The following CCDC125 variants were observed in gnomAD, a reference collection of about 807,000 sequenced individuals.
The protein encoded by CCDC125 is coiled-coil domain containing 125, also known as coiled-coil domain-containing protein 125.
In CCDC125, 43 loss-of-function variants were observed where a neutral mutation model predicts 57.4. The ratio of observed to expected loss-of-function variants is 0.75; its 90% CI spans 0.59 to 0.97. The LOEUF (loss-of-function observed/expected upper bound fraction) is 0.97. CCDC125 is among the 50% of genes least tolerant of loss of function. The pLI is 0.00. For missense variants in CCDC125, 563 were observed against 595.7 expected (o/e 0.95, Z 0.57); for synonymous variants, 187 against 195.2 (o/e 0.96, Z 0.35).
intron 4 of CCDC125, chr5:69,309,296 G>A (rs1038653357): frequency 6.6e-6 from 1 of 152,262 alleles, no homozygotes; most frequent in African/African-American, 2.4e-5. Flanking sequence ...CACAGAGCCA[G>A]AAGTCTCGGA....
intron 1 of CCDC125, chr5:69,323,995 T>C (rs1461332942): frequency 6.6e-6 from 1 of 152,094 alleles, no homozygotes; most frequent in Admixed American, 6.6e-5. Flanking sequence ...TAAACATGTC[T>C]AACATTTTTC....
chr5:69,297,202 A>G (rs1464234930), intron 8 of CCDC125, among the ~76,000 whole-genome samples: 1 of 151,854 alleles, frequency 6.6e-6, no homozygotes, highest in African/African-American at 2.4e-5. Context: ...ACACCCAGCT[A>G]ATTTTTTTTT....
intron 11 of CCDC125, 121 bp downstream of exon 11, chr5:69,285,216 A>G: frequency 1.2e-6 from 1 of 823,620 alleles, no homozygotes; most frequent in African/African-American, 1.8e-5. Flanking sequence ...TGTTTTAAGA[A>G]AGTTTACGAA....
Position 69,292,210 on chromosome 5 carries a change from A to T in CCDC125, c.1077T>A (p.Asn359Lys), listed in dbSNP as rs749207830. The change falls in exon 10 of 12, where the codon AAT (asparagine) becomes AAA (lysine). Residue 359 changes from asparagine (N) to lysine (K), a missense_variant. Coordinates refer to ENST00000396496, the MANE Select transcript of CCDC125 (RefSeq NM_176816.5). ...TACCATCCTCTTTAAGGTGCTTCCAATTCATCCATTTTGTTGCTTTTTTAT... is the reference window on the plus strand; with the variant it reads ...TACCATCCTCTTTAAGGTGCTTCCATTTCATCCATTTTGTTGCTTTTTTAT... ...KMHKKATKWM[N>K]WKHLKEDGFP... 5 of 1,613,158 alleles carry T rather than the reference A, an allele frequency of 3.1e-6. No individual in the cohort carries two copies. Among genetic ancestry groups the T allele is most frequent in the Middle Eastern group, 1.7e-4 (1 of 6,052 alleles).
chr5:69,277,127 AT>A, downstream of CCDC125: 1 of 1,599,694 alleles, frequency 6.3e-7, no homozygotes, highest in Non-Finnish European at 8.5e-7. Flanking sequence ...CAAGAAACTA[AT>A]TTTTTAAAGA....
chr5:69,311,359 T>C (rs1169051930), intron 3 of CCDC125, among the ~76,000 whole-genome samples, 155 bp from the exon 4 acceptor site: 1 of 152,146 alleles, frequency 6.6e-6, no homozygotes, highest in Non-Finnish European at 1.5e-5. Context: ...CATACTAAAA[T>C]TGAAAGCCTC....
intron 10 of CCDC125, among the ~76,000 whole-genome samples, chr5:69,287,220 C>T (rs910391424): frequency 6.6e-6 from 1 of 151,652 alleles, no homozygotes. Flanking sequence ...GAAAGAACTA[C>T]TCAAACTTGT....
downstream of CCDC125, chr5:69,276,396 C>A: frequency 1.5e-6 from 1 of 680,092 alleles, no homozygotes; most frequent in Non-Finnish European, 2.6e-6. Context: ...TTTCCATTTG[C>A]AAATACTTGA....
chr5:69,276,447 TA>T, downstream of CCDC125: 1 of 1,081,392 alleles, frequency 9.2e-7, no homozygotes, highest in South Asian at 1.4e-5. Flanking sequence ...ATTCACATAG[TA>T]TTTTTAATGC....
At chr5:69,307,220 C>T (rs1757447456) in intron 5 of CCDC125, among the ~76,000 whole-genome samples, 1 of 152,082 alleles carries the variant, frequency 6.6e-6, no homozygotes, top group Non-Finnish European at 1.5e-5. Context: ...GCAAAATCCA[C>T]TCCTGGAAAT....
intron 11 of CCDC125, among the ~76,000 whole-genome samples, chr5:69,283,792 A>G (rs115513074): frequency 0.027 from 3,730 of 139,732 alleles, 157 homozygotes; most frequent in African/African-American, 0.091. Flanking sequence ...CAGGCTGACA[A>G]TTTTTTTTTT....
At chr5:69,286,188 C>CCATA (rs1491467969) in intron 10 of CCDC125, among the ~76,000 whole-genome samples, 17 of 51,340 alleles carry the variant, frequency 3.3e-4, no homozygotes, top group Admixed American at 1.0e-3. Context: ...AAATGGTAAA[C>CCATA]TATATATATA....
chr5:69,298,660 G>A (rs1755826063), intron 8 of CCDC125, among the ~76,000 whole-genome samples: 1 of 152,166 alleles, frequency 6.6e-6, no homozygotes, highest in African/African-American at 2.4e-5. Flanking sequence ...TCACCTCAGT[G>A]CTCCCTCACC....
At chr5:69,300,236 C>T (rs180940179) in intron 7 of CCDC125, 109 bp from the exon 8 acceptor site, 1 of 791,086 alleles carries the variant, frequency 1.3e-6, no homozygotes, top group African/African-American at 1.7e-5. Flanking sequence ...ATACACTACC[C>T]ACAACATCGG....
At chr5:69,293,413 G>A (rs1317686115) in intron 9 of CCDC125, among the ~76,000 whole-genome samples, 3 of 151,906 alleles carry the variant, frequency 2.0e-5, no homozygotes, top group South Asian at 2.1e-4. Flanking sequence ...GCACTTTGGG[G>A]GGCCAAGGCG....
chr5:69,323,621 T>C (rs139214396), intron 1 of CCDC125, among the ~76,000 whole-genome samples: 2 of 152,222 alleles, frequency 1.3e-5, no homozygotes, highest in African/African-American at 4.8e-5. Context: ...GCAGGTTTGG[T>C]TAGACTGTAC....
chr5:69,306,118 G>A (rs1757292131), intron 6 of CCDC125, among the ~76,000 whole-genome samples: 1 of 150,376 alleles, frequency 6.6e-6, no homozygotes, highest in African/African-American at 2.5e-5. Context: ...ACAAGATGAG[G>A]ATCTTGCTAT....
Position 69,285,441 on chromosome 5 carries a change from T to G in CCDC125, c.1126A>C (p.Thr376Pro). ...ATACCCAACAGTCTCTGCCCGAAGG[T>G]CTTCTTACTCCTTGGTGATGGAAAT... is the stretch of plus-strand genomic sequence containing the variant. Reference protein sequence around the residue: ...DGFPSPRSKKTFGQRLLGMLP... With the variant: ...DGFPSPRSKKPFGQRLLGMLP... The change falls in exon 11 of 12, where the codon ACC (threonine) becomes CCC (proline). Residue 376 changes from threonine (T) to proline (P), a missense_variant. By Grantham distance (38) the Thr-to-Pro change is conservative. Coordinates refer to ENST00000396496, the MANE Select transcript of CCDC125 (RefSeq NM_176816.5). 6.2e-7 allele frequency: 1 copy of G among 1,603,122 alleles called. No individual in the cohort carries two copies. Among genetic ancestry groups the G allele is most frequent in the Non-Finnish European group, 8.5e-7 (1 of 1,176,888 alleles).
At chr5:69,308,372 G>A in intron 4 of CCDC125, 2 of 287,770 alleles carry the variant, frequency 6.9e-6, no homozygotes, top group South Asian at 8.8e-5. Flanking sequence ...ATTACCACAT[G>A]TTGTGAGAGG....
Sources: gnomAD v4.1 joint callset for allele counts (sites outside exome capture counted in the v4.1 genomes callset) on GRCh38, gnomAD v4.1.1 for gene constraint, MANE v1.5 for transcripts, NCBI Gene and HGNC (gene_info 2026-07-23, HGNC 2026-07-21) for gene names.